Variants in PPM1G observed in about 807,000 individuals in gnomAD.
PPM1G encodes protein phosphatase 1G.
In PPM1G, 12 loss-of-function variants were observed where a neutral mutation model predicts 59.4. The observed-to-expected ratio is 0.20, with a 90% CI of 0.13 to 0.33. The LOEUF is 0.33. Ranked by LOEUF, PPM1G falls within the 10% of genes least tolerant of loss-of-function variation. The pLI, the probability that PPM1G is intolerant of heterozygous loss-of-function variation, is 1.00. For synonymous variants in PPM1G, 245 were observed against 251.9 expected, an observed-to-expected ratio of 0.97 and a Z score of 0.26; for missense variants, 392 against 681.3, an observed-to-expected ratio of 0.58 and a Z score of 4.73.
In PPM1G at chr2:27,393,348, G is replaced by A. The variant is rs891201261; in HGVS notation, c.121-6190C>T. On this transcript the variant is annotated intron_variant, in intron 1 of 9. Coordinates refer to ENST00000344034, the MANE Select transcript of PPM1G (RefSeq NM_177983.3). ...TTGGTGGTAGTTCTGGCGCACCTGCGAGGTAGACGCGGTCGTCATGCCGGC... is the reference window on the plus strand; with the variant it reads ...TTGGTGGTAGTTCTGGCGCACCTGCAAGGTAGACGCGGTCGTCATGCCGGC... 69 of 1,595,022 alleles carry A rather than the reference G, an allele frequency of 4.3e-5. 1 individual carries two copies. The highest frequency in any genetic ancestry group is 2.5e-4 in the Admixed American group (15 of 59,916).
chr2:27,404,719 C>A (rs150671631), intron 1 of PPM1G, among the ~76,000 whole-genome samples: 2 of 151,510 alleles, frequency 1.3e-5, no homozygotes, highest in African/African-American at 2.4e-5. Context: ...CCGAGGCGGG[C>A]GGATTAAGAG....
chr2:27,405,764 A>G (rs890824530), intron 1 of PPM1G, among the ~76,000 whole-genome samples: 3 of 151,702 alleles, frequency 2.0e-5, no homozygotes, highest in Admixed American at 2.0e-4. Context: ...GCATTTTGGG[A>G]GGCAGAGGCG....
chr2:27,393,693 T>G (rs1003513702), intron 1 of PPM1G, among the ~76,000 whole-genome samples: 3 of 152,106 alleles, frequency 2.0e-5, no homozygotes, highest in Non-Finnish European at 4.4e-5. Flanking sequence ...CAAGCAATTC[T>G]CCTGCCTCAG....
At chr2:27,409,189 C>A (rs1663453748) in intron 1 of PPM1G, 114 bp downstream of exon 1, 1 of 1,373,854 alleles carries the variant, frequency 7.3e-7, no homozygotes, top group Non-Finnish European at 9.5e-7. Context: ...ACGGCCGCTG[C>A]GGCCGCAGGC....
intron 1 of PPM1G, 149 bp downstream of exon 1, chr2:27,409,154 C>T: frequency 8.3e-7 from 1 of 1,207,254 alleles, no homozygotes; most frequent in South Asian, 1.7e-5. Context: ...TCGGCCCTGA[C>T]CCCGCGGTCT....
intron 1 of PPM1G, among the ~76,000 whole-genome samples, chr2:27,388,193 G>C (rs1683815484): frequency 6.6e-6 from 1 of 151,722 alleles, no homozygotes; most frequent in South Asian, 2.1e-4. Flanking sequence ...GGCAGATCAT[G>C]AAGTCAAGAG....
intron 1 of PPM1G, among the ~76,000 whole-genome samples, chr2:27,392,280 TG>T: frequency 1.9e-5 from 2 of 103,982 alleles, no homozygotes; most frequent in Non-Finnish European, 3.9e-5. Context: ...TTTGTTGGTT[TG>T]TTTTGTTTTT....
At chr2:27,400,475 T>C (rs186119015) in intron 1 of PPM1G, among the ~76,000 whole-genome samples, 3 of 151,048 alleles carry the variant, frequency 2.0e-5, no homozygotes, top group Admixed American at 2.0e-4. Flanking sequence ...AATATCAGGC[T>C]GGGTGTGGTG....
chr2:27,390,668 A>G (rs928345781), intron 1 of PPM1G, among the ~76,000 whole-genome samples: 2 of 152,016 alleles, frequency 1.3e-5, no homozygotes, highest in African/African-American at 4.8e-5. Context: ...TTCAATGTTT[A>G]TTTTAGAATC....
At chr2:27,392,702 G>T (rs1370126631) in intron 1 of PPM1G, 1 of 825,730 alleles carries the variant, frequency 1.2e-6, no homozygotes, top group East Asian at 2.5e-5. Flanking sequence ...TTATAGAAAA[G>T]GTAAAGGAAA....
intron 1 of PPM1G, among the ~76,000 whole-genome samples, chr2:27,407,811 G>C (rs990612209): frequency 1.3e-5 from 2 of 152,110 alleles, no homozygotes; most frequent in African/African-American, 4.8e-5. Context: ...CACTTTGGGA[G>C]ACCGAGGCAG....
Position 27,382,513 on chromosome 2 carries a change from C to T in PPM1G, c.1294G>A (p.Asp432Asn), listed in dbSNP as rs1361330953. The T allele has an allele frequency of 5.0e-6, 8 of 1,614,040 alleles. No homozygotes were observed. In the African/African-American group the frequency reaches 5.3e-5, roughly 11 times the overall value. ...CAGGCAATGACCATGAATTCATGGT[C>T]GTCAGTGAGAGTCAGCACCTTGATG... ...PDIKVLTLTD[D>N]HEFMVIACDG... is the part of the protein sequence containing the mutation. Residue 432 changes from aspartate to asparagine, a missense_variant, in exon 8 of 10, where the codon GAC (aspartate) becomes AAC (asparagine). Asp to Asn is a conservative substitution (Grantham distance 23). Around this residue, in one of 6 missense-constraint regions of PPM1G, gnomAD observed 53 missense variants for 175.4 expected, o/e 0.30. Transcript: ENST00000344034. The surrounding 1 kb of genome is among the most constrained non-coding windows in gnomAD (Gnocchi z 4.2).
intron 1 of PPM1G, 73 bp downstream of exon 1, chr2:27,409,230 C>G (rs997563733): frequency 4.1e-5 from 62 of 1,496,294 alleles, no homozygotes; most frequent in Middle Eastern, 3.4e-4. Context: ...AGGGGAGGAC[C>G]CCATCCCCCG....
chr2:27,383,662 T>G lies in PPM1G; in HGVS notation c.967-62A>C. 1 of 1,457,732 alleles carries G rather than the reference T, an allele frequency of 6.9e-7. No homozygotes were observed. Among genetic ancestry groups the G allele is most frequent in the Non-Finnish European group, 9.3e-7 (1 of 1,069,612 alleles). The allele number at this position is 1,457,732 out of a possible 1,614,324, so 90.3% of individuals were successfully genotyped here. On this transcript the variant is annotated intron_variant, in intron 6 of 9. Coordinates refer to ENST00000344034, the MANE Select transcript of PPM1G (RefSeq NM_177983.3). This position sits in a 1 kb window ranked among gnomAD's most constrained non-coding sequence, Gnocchi z 5.0. ...GAACATGCGTTCCTCACTGATGTGCTCCTGATCGTTCACCTATGCTTGCTT... is the reference window on the plus strand; with the variant it reads ...GAACATGCGTTCCTCACTGATGTGCGCCTGATCGTTCACCTATGCTTGCTT...
intron 1 of PPM1G, among the ~76,000 whole-genome samples, chr2:27,405,375 C>T (rs1663331178): frequency 6.7e-6 from 1 of 150,274 alleles, no homozygotes. Flanking sequence ...CCAGTGCCTA[C>T]CTCTTAATCC....
chr2:27,399,451 T>A (rs1362338219), intron 1 of PPM1G, among the ~76,000 whole-genome samples: 1 of 152,084 alleles, frequency 6.6e-6, no homozygotes, highest in African/African-American at 2.4e-5. Flanking sequence ...GGGAGGCGGA[T>A]CCTTTGAGGT....
In PPM1G at chr2:27,403,752, G is replaced by A. The variant is rs146181865; in HGVS notation, c.120+5551C>T. Among the ~76,000 whole-genome samples the A allele has an allele frequency of 4.5e-3, 685 of 152,018 alleles. 7 individuals are homozygous for A. Among genetic ancestry groups the A allele is most frequent in the African/African-American group, 0.016 (656 of 41,468 alleles). On this transcript the variant is annotated intron_variant, in intron 1 of 9. Transcript: ENST00000344034. The stretch of plus-strand genomic sequence containing the variant: ...AAATACAAAAAATAAGCCAAGTGTC[G>A]TGGCACATGCCTGTAATCCCAGCTA...
chr2:27,409,206 T>G, intron 1 of PPM1G, 97 bp downstream of exon 1: 1 of 1,438,576 alleles, frequency 7.0e-7, no homozygotes. Context: ...AGGCTCCCAA[T>G]TGGGACCCTT....
intron 1 of PPM1G, among the ~76,000 whole-genome samples, chr2:27,405,659 G>A (rs144727402): frequency 0.013 from 1,984 of 152,010 alleles, 38 homozygotes; most frequent in African/African-American, 0.046. Context: ...CTCCCAAACT[G>A]CTGGGATTAC....
Sources: gnomAD v4.1 joint callset for allele counts (sites outside exome capture counted in the v4.1 genomes callset) on GRCh38, gnomAD v4.1.1 for gene constraint, gnomAD v4.1.1 regional missense constraint, Gnocchi (gnomAD v3.1) non-coding constraint, MANE v1.5 for transcripts, NCBI Gene and HGNC (gene_info 2026-07-23, HGNC 2026-07-21) for gene names.